Variants in BBOX1 observed in about 807,000 individuals in gnomAD.
BBOX1 encodes gamma-butyrobetaine dioxygenase.
In BBOX1, 35 loss-of-function variants were observed where a neutral mutation model predicts 41.6. The observed-to-expected ratio is 0.84, with a 90% CI of 0.64 to 1.11. The LOEUF is 1.11. BBOX1 is among the 50% of genes most tolerant of loss of function. BBOX1 has a pLI of 0.00. For synonymous variants in BBOX1, 163 were observed against 154.7 expected, an observed-to-expected ratio of 1.05 and a Z score of -0.40; for missense variants, 458 against 460.6, an observed-to-expected ratio of 0.99 and a Z score of 0.05.
chr11:27,101,495 A>G (rs1005404828), intron 5 of BBOX1, among the ~76,000 whole-genome samples: 1 of 152,096 alleles, frequency 6.6e-6, no homozygotes, highest in Non-Finnish European at 1.5e-5. Context: ...CTCATTAATT[A>G]TTTCACATTT....
At chr11:27,106,631 A>C (rs1858878698) in intron 5 of BBOX1, among the ~76,000 whole-genome samples, 1 of 152,108 alleles carries the variant, frequency 6.6e-6, no homozygotes, top group Non-Finnish European at 1.5e-5. Flanking sequence ...CCCACACAAT[A>C]ATAATGGGAG....
At chr11:27,105,029 T>C (rs1858812631) in intron 5 of BBOX1, among the ~76,000 whole-genome samples, 1 of 151,924 alleles carries the variant, frequency 6.6e-6, no homozygotes, top group African/African-American at 2.4e-5. Flanking sequence ...CAGCTGAGAG[T>C]CCTGACTGTT....
intron 4 of BBOX1, among the ~76,000 whole-genome samples, chr11:27,085,756 G>A (rs1181060879): frequency 6.6e-6 from 1 of 152,110 alleles, no homozygotes; most frequent in East Asian, 1.9e-4. Context: ...CATGAAAGCT[G>A]AGGGAGGCCA....
chr11:27,110,808 G>T (rs1394099258), intron 5 of BBOX1, among the ~76,000 whole-genome samples: 1 of 151,738 alleles, frequency 6.6e-6, no homozygotes, highest in Non-Finnish European at 1.5e-5. Context: ...GACTGAAATA[G>T]GTGTTCAGTG....
At chr11:27,063,656 CAAA>C (rs11354714) in intron 4 of BBOX1, among the ~76,000 whole-genome samples, 35 of 141,618 alleles carry the variant, frequency 2.5e-4, no homozygotes, top group Non-Finnish European at 2.6e-4. Context: ...ATTGCACAGT[CAAA>C]AAAAAAAAAA....
chr11:27,087,889 A>T (rs1419491083), intron 4 of BBOX1, among the ~76,000 whole-genome samples: 1 of 152,076 alleles, frequency 6.6e-6, no homozygotes, highest in East Asian at 1.9e-4. Flanking sequence ...CATTATAACC[A>T]CACTGTGATG....
chr11:27,056,842 C>T (rs1032526644), intron 3 of BBOX1, among the ~76,000 whole-genome samples: 12 of 150,492 alleles, frequency 8.0e-5, no homozygotes, highest in South Asian at 4.2e-4. Flanking sequence ...CTGAGGCGGG[C>T]GCATCACAAG....
intron 4 of BBOX1, among the ~76,000 whole-genome samples, chr11:27,085,576 T>C (rs1156648668): frequency 6.6e-6 from 1 of 150,788 alleles, no homozygotes; most frequent in African/African-American, 2.4e-5. Context: ...TCTCTCTCTC[T>C]CTCTCTCTCT....
intron 5 of BBOX1, among the ~76,000 whole-genome samples, chr11:27,109,913 T>C (rs1858996505): frequency 6.6e-6 from 1 of 152,030 alleles, no homozygotes; most frequent in African/African-American, 2.4e-5. Flanking sequence ...TGTCCATATG[T>C]GAATGGAGAT....
intron 5 of BBOX1, among the ~76,000 whole-genome samples, chr11:27,096,531 G>T (rs2134051071): frequency 6.6e-6 from 1 of 152,114 alleles, no homozygotes; most frequent in Admixed American, 6.6e-5. Context: ...ATAATAGCTT[G>T]CTGATGGTGC....
chr11:27,110,086 C>G (rs983054599), intron 5 of BBOX1, among the ~76,000 whole-genome samples: 2 of 151,952 alleles, frequency 1.3e-5, no homozygotes. Flanking sequence ...CCATTTCTCT[C>G]ATATCCTACA....
intron 4 of BBOX1, among the ~76,000 whole-genome samples, chr11:27,068,809 C>T (rs1011487671): frequency 3.9e-5 from 6 of 152,074 alleles, no homozygotes; most frequent in Non-Finnish European, 7.4e-5. Flanking sequence ...GTTTTTCCAG[C>T]ACCATTTATT....
At chr11:27,043,998 A>G (rs763301668) in intron 2 of BBOX1, among the ~76,000 whole-genome samples, 5 of 152,194 alleles carry the variant, frequency 3.3e-5, no homozygotes, top group Non-Finnish European at 5.9e-5. Flanking sequence ...TCCTGGTTCT[A>G]GATCCTTGAG....
chr11:27,113,912 G>C (rs535888009), intron 5 of BBOX1, among the ~76,000 whole-genome samples: 1 of 151,528 alleles, frequency 6.6e-6, no homozygotes, highest in South Asian at 2.1e-4. Flanking sequence ...CAGCCAGAGC[G>C]ATTAGACAAT....
chr11:27,124,583 T>C lies in BBOX1; in HGVS notation c.837-1071T>C, dbSNP rs748183373. 2.2e-4 allele frequency among the ~76,000 whole-genome samples: 34 copies of C among 152,142 alleles called. 1 individual carries two copies. Among genetic ancestry groups the C allele is most frequent in the Non-Finnish European group, 4.4e-5 (3 of 68,018 alleles). On this transcript the variant is annotated intron_variant, in intron 7 of 8. Transcript: ENST00000263182. ...TCCATGCTGGAGTGTCGTGGTGCGA[T>C]CTCCGCTCACTGCAACCTCTGCCAC...
chr11:27,118,393 C>T (rs1859340290), intron 6 of BBOX1, among the ~76,000 whole-genome samples: 2 of 151,990 alleles, frequency 1.3e-5, no homozygotes, highest in Admixed American at 6.6e-5. Context: ...TTTTCTATAA[C>T]AAACAGAACA....
rs1859628861 is a variant in BBOX1 at position 27,125,749 on chromosome 11, A to C, written c.932A>C (p.Tyr311Ser). Residue 311 changes from tyrosine (Y) to serine (S), a missense_variant, in exon 8 of 9, where the codon TAT becomes TCT. Tyr to Ser is a moderately radical substitution (Grantham distance 144). Transcript: ENST00000263182. ...CCTGTTGAAAGAGTTCAGCCTTTTT[A>C]TGCTGCTCTGAAGGAGTTTGTTGAC... ...DVPVERVQPF[Y>S]AALKEFVDLM... 1 of 1,613,922 alleles carries C rather than the reference A, an allele frequency of 6.2e-7. No homozygotes were observed. Among genetic ancestry groups the C allele is most frequent in the East Asian group, 2.2e-5 (1 of 44,850 alleles).
chr11:27,055,692 A>G (rs776350781), intron 3 of BBOX1, 43 bp downstream of exon 3: 14 of 1,539,644 alleles, frequency 9.1e-6, no homozygotes, highest in Middle Eastern at 1.7e-4. Flanking sequence ...CTCAAGTTCA[A>G]TAATGGGGCT....
intron 8 of BBOX1, 42 bp from the exon 9 acceptor site, chr11:27,127,251 T>C (rs777211865): frequency 3.8e-6 from 6 of 1,595,530 alleles, no homozygotes; most frequent in Non-Finnish European, 4.3e-6. Flanking sequence ...GTAAGTCATT[T>C]AAACACACAA....
Sources: allele counts gnomAD v4.1 joint callset (sites outside exome capture counted in the v4.1 genomes callset), GRCh38; gene constraint gnomAD v4.1.1; transcripts MANE v1.5; gene names NCBI Gene and HGNC (gene_info 2026-07-23, HGNC 2026-07-21).